The following MCM4 variants were observed in gnomAD, a reference collection of about 807,000 sequenced individuals.
MCM4 encodes minichromosome maintenance complex component 4, also known as DNA replication licensing factor MCM4.
In MCM4, 60 loss-of-function variants were observed where a neutral mutation model predicts 88.7. The ratio of observed to expected loss-of-function variants is 0.68; its 90% CI spans 0.55 to 0.84. The LOEUF is 0.84. MCM4 is among the 40% of genes least tolerant of loss of function. MCM4 has a pLI of 0.00. For missense variants in MCM4, 1,149 were observed against 1,105.5 expected (o/e 1.04, Z -0.56); for synonymous variants, 465 against 410.5 (o/e 1.13, Z -1.61).
In MCM4 at chr8:47,976,683, C is replaced by T. The variant is rs1454578413; in HGVS notation, c.2500-3C>T. The T allele has an allele frequency of 1.2e-6, 2 of 1,608,422 alleles. No individual in the cohort carries two copies. Among genetic ancestry groups the T allele is most frequent in the Admixed American group, 1.7e-5 (1 of 59,970 alleles). ...ATATTTATTTTCTTTCTCTTCCCCA[C>T]AGGCAATTACTAAAGATATGTTTGA... On this transcript the variant is annotated splice_polypyrimidine_tract_variant and splice_region_variant and intron_variant, in intron 16 of 16. Coordinates refer to ENST00000649973, the MANE Select transcript of MCM4 (RefSeq NM_182746.3).
At chr8:47,967,064 A>G (rs11997233) in intron 9 of MCM4, among the ~76,000 whole-genome samples, 3 of 152,338 alleles carry the variant, frequency 2.0e-5, no homozygotes, top group African/African-American at 7.2e-5. Flanking sequence ...AAAGCCCAGC[A>G]TCCTTAGGCC....
At position 47,962,756 on chromosome 8, in the gene MCM4, A is replaced by T; in HGVS notation, c.502-8A>T. The T allele has an allele frequency of 6.4e-7, 1 of 1,572,826 alleles. No individual in the cohort carries two copies. The highest frequency in any genetic ancestry group is 1.9e-5 in the Admixed American group (1 of 53,994). ...ATATGCCTAATACAGTTTTCTCTCCACTTAAAGAGATTTCTTCAGCGTTTT... is the reference window on the plus strand; with the variant it reads ...ATATGCCTAATACAGTTTTCTCTCCTCTTAAAGAGATTTCTTCAGCGTTTT... On this transcript the variant is annotated splice_region_variant and splice_polypyrimidine_tract_variant and intron_variant, in intron 5 of 16. Coordinates refer to ENST00000649973, the MANE Select transcript of MCM4 (RefSeq NM_182746.3).
chr8:47,970,847 A>T lies in MCM4; in HGVS notation c.1771A>T (p.Met591Leu). 1 of 1,605,356 alleles carries T rather than the reference A, an allele frequency of 6.2e-7. No homozygotes were observed. Among genetic ancestry groups the T allele is most frequent in the Non-Finnish European group, 8.5e-7 (1 of 1,173,470 alleles). The change falls in exon 12 of 17, where the codon ATG (methionine) becomes TTG (leucine). Residue 591 changes from methionine to leucine, a missense_variant. Met to Leu is a conservative substitution (Grantham distance 15, BLOSUM62 2). Transcript: ENST00000649973. ...ESTRSVLHEV[M>L]EQQTLSIAKA... is the part of the protein sequence containing the mutation. ...TACAAGATCGGTATTGCATGAAGTC[A>T]TGGAACAGCAGACTCTGTCCATTGC...
At chr8:47,966,627 CTG>C (rs891317784) in intron 9 of MCM4, among the ~76,000 whole-genome samples, 2 of 152,230 alleles carry the variant, frequency 1.3e-5, no homozygotes, top group African/African-American at 4.8e-5. Context: ...GTGGCACTGT[CTG>C]TTGTTAGAGA....
intron 16 of MCM4, 142 bp from the exon 17 acceptor site, chr8:47,976,544 G>A (rs1395545381): frequency 3.2e-5 from 18 of 562,900 alleles, no homozygotes; most frequent in Non-Finnish European, 1.3e-5. Flanking sequence ...CTCCACTCCT[G>A]ATTTAGAGCA....
At position 47,974,795 on chromosome 8, in the gene MCM4, A is replaced by T; in HGVS notation, c.2198A>T (p.Gln733Leu). The part of the protein sequence containing the change: ...SRGMVSAYPR[Q>L]LESLIRLAEA... ...GGAATGGTTTCTGCATACCCTCGAC[A>T]GCTAGAGTCATTAATCCGCTTAGCA... Residue 733 changes from glutamine to leucine, a missense_variant, in exon 15 of 17, where the codon CAG becomes CTG. By Grantham distance (113) the Gln-to-Leu change is moderately radical. This residue lies in a region of MCM4 where 238 missense variants were observed against 241.6 expected (regional missense o/e 0.99). Coordinates refer to ENST00000649973, the MANE Select transcript of MCM4 (RefSeq NM_182746.3). 1.2e-6 allele frequency: 2 copies of T among 1,614,254 alleles called. No individual in the cohort carries two copies. Among genetic ancestry groups the T allele is most frequent in the Non-Finnish European group, 1.7e-6 (2 of 1,180,048 alleles).
At position 47,970,050 on chromosome 8, in the gene MCM4, T is replaced by C; in HGVS notation, c.1427T>C (p.Ile476Thr). ...LAPSIYEHED[I>T]KKGILLQLFG... The stretch of plus-strand genomic sequence containing the variant: ...CCAAGCATTTATGAACATGAAGATA[T>C]AAAGAAGGTAACAGTGGATTTTAAA... The change falls in exon 11 of 17, where the codon ATA becomes ACA. Residue 476 changes from isoleucine to threonine, a missense_variant. Around this residue, in one of 3 missense-constraint regions of MCM4, gnomAD observed 906 missense variants for 843.0 expected, o/e 1.07. Transcript: ENST00000649973. 1.2e-6 allele frequency: 2 copies of C among 1,613,480 alleles called. No individual in the cohort carries two copies. The highest frequency in any genetic ancestry group is 1.7e-6 in the Non-Finnish European group (2 of 1,179,708).
intron 8 of MCM4, 39 bp downstream of exon 8, chr8:47,964,751 A>AT: frequency 6.7e-7 from 1 of 1,501,560 alleles, no homozygotes; most frequent in Non-Finnish European, 8.9e-7. Flanking sequence ...GTTGAAGGAA[A>AT]ATGCCTTACA....
chr8:47,965,875 A>G (rs2090893690), intron 8 of MCM4, among the ~76,000 whole-genome samples: 1 of 152,180 alleles, frequency 6.6e-6, no homozygotes, highest in East Asian at 1.9e-4. Flanking sequence ...GACTCAGTCC[A>G]GGCTGTCTGG....
intron 3 of MCM4, 42 bp downstream of exon 3, chr8:47,961,722 A>G (rs906303618): frequency 3.8e-6 from 6 of 1,564,728 alleles, no homozygotes; most frequent in Non-Finnish European, 4.3e-6. Flanking sequence ...CTTGATACAC[A>G]GCTGATGCTT....
In MCM4 at chr8:47,969,961, G is replaced by A. The variant is rs1443256772; in HGVS notation, c.1338G>A (p.Val446=). ...AGAAACTTTTTTCAGAGAAACGTGT[G>A]GAATTGCTTAAGGAACTTTCCAGGA... ...AEQKLFSEKR[V]ELLKELSRKP... is the part of the protein sequence containing the mutation. The change falls in exon 11 of 17, where the codon GTG becomes GTA. Residue 446 remains valine, a synonymous_variant. Coordinates refer to ENST00000649973, the MANE Select transcript of MCM4 (RefSeq NM_182746.3). 2 of 1,614,208 alleles carry A rather than the reference G, an allele frequency of 1.2e-6. No individual in the cohort carries two copies. Among genetic ancestry groups the A allele is most frequent in the East Asian group, 2.2e-5 (1 of 44,882 alleles).
chr8:47,975,900 A>G, intron 16 of MCM4, 52 bp downstream of exon 16: 1 of 1,348,262 alleles, frequency 7.4e-7, no homozygotes, highest in South Asian at 1.9e-5. Flanking sequence ...TTTTTCCTTA[A>G]TATTGCTTTT....
intron 14 of MCM4, chr8:47,974,294 T>TA (rs1284217947): frequency 6.2e-6 from 1 of 162,314 alleles, no homozygotes; most frequent in Non-Finnish European, 1.4e-5. Flanking sequence ...TGATACAACT[T>TA]ACCTTTGCAG....
In MCM4 at chr8:47,972,991, A is replaced by G. The variant is rs537116891; in HGVS notation, c.2063A>G (p.Lys688Arg). Reference sequence around the variant, plus strand: ...GAGCTCCTGGACATGGCGGTGCTAAAGGACTACATTGCCTACGCGCACAGC... The same window carrying G: ...GAGCTCCTGGACATGGCGGTGCTAAGGGACTACATTGCCTACGCGCACAGC... ...EEELLDMAVL[K>R]DYIAYAHSTI... Residue 688 changes from lysine (K) to arginine (R), a missense_variant, in exon 14 of 17, where the codon AAG becomes AGG. This residue lies in a region of MCM4 where 238 missense variants were observed against 241.6 expected (regional missense o/e 0.99). Transcript: ENST00000649973. 6.2e-6 allele frequency: 10 copies of G among 1,614,186 alleles called. No homozygotes were observed. In the Admixed American group the frequency reaches 1.7e-4, roughly 27 times the overall value.
At chr8:47,966,095 T>G (rs1784878581) in intron 8 of MCM4, 92 bp from the exon 9 acceptor site, 2 of 1,026,210 alleles carry the variant, frequency 1.9e-6, no homozygotes, top group African/African-American at 1.6e-5. Context: ...CTAGGCAGAG[T>G]CTTGGGCACC....
chr8:47,961,143 C>T lies in MCM4; in HGVS notation c.-2C>T, dbSNP rs762433361. On this transcript the variant is annotated 5_prime_UTR_variant, in exon 2 of 17. Transcript: ENST00000649973. ...CCTTGTCGCGCAGGTACTCCGAGCA[C>T]TATGTCGTCCCCGGCGTCGACCCCG... 1.8e-5 allele frequency: 28 copies of T among 1,553,746 alleles called. No homozygotes were observed. Among genetic ancestry groups the T allele is most frequent in the Admixed American group, 3.6e-5 (2 of 55,726 alleles).
intron 7 of MCM4, among the ~76,000 whole-genome samples, chr8:47,964,317 A>G (rs1451426627): frequency 6.6e-6 from 1 of 152,242 alleles, no homozygotes; most frequent in Non-Finnish European, 1.5e-5. Context: ...TTTCCCTTCT[A>G]ATAGAAAGCA....
In MCM4 at chr8:47,977,913, A is replaced by AT. The variant is rs2091015033; in HGVS notation, c.*1136dup. The AT allele has an allele frequency of 6.6e-6, 1 of 152,230 alleles. No individual in the cohort carries two copies. The highest frequency in any genetic ancestry group is 1.5e-5 in the Non-Finnish European group (1 of 68,040). 9.4% of individuals were successfully genotyped at this position (152,230 alleles called of 1,614,324 possible). On this transcript the variant is annotated 3_prime_UTR_variant, in exon 17 of 17. Coordinates refer to ENST00000649973, the MANE Select transcript of MCM4 (RefSeq NM_182746.3). ...ATACATAAAACTTTTTCCTAAATAA[A>AT]TGATGGAAGGAATAATACTTGGTTA...
intron 2 of MCM4, 48 bp from the exon 3 acceptor site, chr8:47,961,468 C>G: frequency 6.2e-7 from 1 of 1,612,400 alleles, no homozygotes; most frequent in Non-Finnish European, 8.5e-7. Flanking sequence ...TCCAGGAAGG[C>G]CGGCCCTGAA....
Sources: gnomAD v4.1 joint callset for allele counts (sites outside exome capture counted in the v4.1 genomes callset) on GRCh38, gnomAD v4.1.1 for gene constraint, gnomAD v4.1.1 regional missense constraint, MANE v1.5 for transcripts, NCBI Gene and HGNC (gene_info 2026-07-23, HGNC 2026-07-21) for gene names.